The following MYCBP2 variants were observed in gnomAD, a reference collection of about 807,000 sequenced individuals.
MYCBP2 encodes the protein MYC binding protein 2.
In MYCBP2, 120 loss-of-function variants were observed where a neutral mutation model predicts 525.3. The observed-to-expected ratio is 0.23, with a 90% CI of 0.20 to 0.27. The LOEUF (loss-of-function observed/expected upper bound fraction) is 0.27, where lower values mean the gene tolerates loss of function less well. MYCBP2 is among the 10% of genes least tolerant of loss of function. MYCBP2 has a pLI of 1.00. For missense variants in MYCBP2, 4,149 were observed against 5,657.1 expected (o/e 0.73, Z 8.55); for synonymous variants, 1,894 against 1,955.8 (o/e 0.97, Z 0.83).
intron 13 of MYCBP2, 22 bp from the exon 14 acceptor site, chr13:77,257,851 A>T (rs2072513406): frequency 1.3e-6 from 2 of 1,587,890 alleles, no homozygotes; most frequent in Non-Finnish European, 1.7e-6. Flanking sequence ...AAACAAATTT[A>T]GTAAAAACAA....
chr13:77,318,029 G>GA (rs1463198866), intron 1 of MYCBP2, among the ~76,000 whole-genome samples: 2 of 151,890 alleles, frequency 1.3e-5, no homozygotes, highest in Non-Finnish European at 2.9e-5. Flanking sequence ...ATTCTGAAAT[G>GA]ATCCCTGTAG....
chr13:77,186,119 G>T, intron 30 of MYCBP2, 56 bp from the exon 31 acceptor site: 1 of 1,257,420 alleles, frequency 8.0e-7, no homozygotes, highest in Admixed American at 2.8e-5. Flanking sequence ...ACCATAAACG[G>T]AATCAAATGG....
chr13:77,229,562 T>C (rs966204643), intron 18 of MYCBP2, among the ~76,000 whole-genome samples: 4 of 152,194 alleles, frequency 2.6e-5, no homozygotes, highest in Admixed American at 1.3e-4. Context: ...AATAATTCAA[T>C]TCAAAATATT....
intron 1 of MYCBP2, among the ~76,000 whole-genome samples, chr13:77,319,906 G>T (rs1184125788): frequency 2.0e-5 from 3 of 152,158 alleles, no homozygotes; most frequent in Non-Finnish European, 2.9e-5. Flanking sequence ...AGGGTTCCCA[G>T]GAAACAGACT....
intron 48 of MYCBP2, among the ~76,000 whole-genome samples, chr13:77,145,358 G>T (rs2055355324): frequency 6.6e-6 from 1 of 151,902 alleles, no homozygotes; most frequent in South Asian, 2.1e-4. Context: ...TTATCTCACT[G>T]GCCATTCTTT....
intron 35 of MYCBP2, 125 bp from the exon 36 acceptor site, chr13:77,176,753 T>C: frequency 1.2e-6 from 1 of 821,680 alleles, no homozygotes; most frequent in Non-Finnish European, 1.7e-6. Context: ...CCATTAGTAT[T>C]TTCCCATACA....
At chr13:77,218,025 A>G in intron 20 of MYCBP2, 68 bp from the exon 21 acceptor site, 4 of 1,062,508 alleles carry the variant, frequency 3.8e-6, no homozygotes, top group Non-Finnish European at 4.2e-6. Context: ...ACAATAAGTA[A>G]GCAATGCAAC....
At chr13:77,225,220 A>G (rs2066090388) in intron 19 of MYCBP2, among the ~76,000 whole-genome samples, 1 of 152,232 alleles carries the variant, frequency 6.6e-6, no homozygotes, top group African/African-American at 2.4e-5. Context: ...AGGAAGACAG[A>G]CTAGAAGTTA....
chr13:77,101,469 C>T (rs2047049781), intron 55 of MYCBP2, among the ~76,000 whole-genome samples: 1 of 152,016 alleles, frequency 6.6e-6, no homozygotes, highest in Non-Finnish European at 1.5e-5. Context: ...ATGAAAACAA[C>T]CTCTGTGGTT....
intron 1 of MYCBP2, among the ~76,000 whole-genome samples, chr13:77,319,709 A>G (rs369127845): frequency 7.6e-4 from 115 of 152,168 alleles, no homozygotes; most frequent in African/African-American, 2.7e-3. Flanking sequence ...TAGCATTCCA[A>G]CTCACCACCA....
rs769449992 is a variant in MYCBP2, at chr13:77,225,419, A to C, written c.2857+16T>G. Reference sequence around the variant, plus strand: ...ATTGTAAAAACGCAGTTATACCCTAAAGTTCCAGCCGCTACCTGAATGGTG... The same window carrying C: ...ATTGTAAAAACGCAGTTATACCCTACAGTTCCAGCCGCTACCTGAATGGTG... On this transcript the variant is annotated intron_variant, in intron 19 of 82. Transcript: ENST00000544440. 2.5e-6 allele frequency: 4 copies of C among 1,613,310 alleles called. No individual in the cohort carries two copies. In the South Asian group the frequency reaches 4.4e-5, roughly 18 times the overall value.
intron 8 of MYCBP2, among the ~76,000 whole-genome samples, chr13:77,267,234 T>C (rs948313476): frequency 2.0e-5 from 3 of 151,842 alleles, no homozygotes; most frequent in Admixed American, 6.6e-5. Flanking sequence ...TTAGCAGTGA[T>C]TTAAGTGAAT....
At chr13:77,181,408 G>A (rs1225332053) in intron 33 of MYCBP2, among the ~76,000 whole-genome samples, 1 of 151,920 alleles carries the variant, frequency 6.6e-6, no homozygotes, top group Non-Finnish European at 1.5e-5. Flanking sequence ...AATGGTTCAG[G>A]AAAAACAAAT....
chr13:77,262,704 C>CAT (rs2073506969), intron 10 of MYCBP2, among the ~76,000 whole-genome samples: 2 of 151,818 alleles, frequency 1.3e-5, no homozygotes, highest in South Asian at 4.2e-4. Flanking sequence ...TGTAAATATG[C>CAT]ATATACACAC....
intron 3 of MYCBP2, among the ~76,000 whole-genome samples, chr13:77,282,408 C>G: frequency 7.0e-6 from 1 of 142,160 alleles, no homozygotes; most frequent in Non-Finnish European, 1.5e-5. Flanking sequence ...GAAACTCCAT[C>G]TTGAAAAAAA....
chr13:77,069,785 G>A (rs1339706917), intron 69 of MYCBP2, among the ~76,000 whole-genome samples: 1 of 151,032 alleles, frequency 6.6e-6, no homozygotes, highest in Non-Finnish European at 1.5e-5. Flanking sequence ...GGAGAATGGT[G>A]TGAACCCAGG....
intron 1 of MYCBP2, among the ~76,000 whole-genome samples, chr13:77,296,907 A>T (rs2078251395): frequency 1.3e-5 from 2 of 152,224 alleles, no homozygotes; most frequent in South Asian, 4.1e-4. Context: ...ATGATAATAC[A>T]AATTTGAATT....
At chr13:77,163,334 C>T (rs1474662093) in intron 43 of MYCBP2, among the ~76,000 whole-genome samples, 1 of 151,632 alleles carries the variant, frequency 6.6e-6, no homozygotes, top group Admixed American at 6.6e-5. Context: ...CATTTCCATA[C>T]ATATATACCA....
chr13:77,203,842 T>C (rs1471681381), intron 26 of MYCBP2, among the ~76,000 whole-genome samples: 2 of 151,912 alleles, frequency 1.3e-5, no homozygotes, highest in Non-Finnish European at 2.9e-5. Flanking sequence ...TGGCTAGCCA[T>C]ATGTAGAAAG....
Sources: allele counts gnomAD v4.1 joint callset (sites outside exome capture counted in the v4.1 genomes callset), GRCh38; gene constraint gnomAD v4.1.1; transcripts MANE v1.5; gene names NCBI Gene and HGNC (gene_info 2026-07-23, HGNC 2026-07-21).